Variants in EZH1 observed in about 807,000 individuals in gnomAD.
EZH1 encodes histone-lysine N-methyltransferase EZH1.
In EZH1, 33 loss-of-function variants were observed where a neutral mutation model predicts 100.5. The ratio of observed to expected loss-of-function variants is 0.33; its 90% CI spans 0.25 to 0.44. The LOEUF is 0.44. Among genes scored for constraint, EZH1 ranks in the 20% least tolerant of loss-of-function variants. EZH1 has a pLI of 1.00. For synonymous variants in EZH1, 272 were observed against 313.8 expected (o/e 0.87, Z 1.41); for missense variants, 475 against 928.4 (o/e 0.51, Z 6.35).
Position 42,745,017 on chromosome 17 carries a change from T to A in EZH1, c.-109A>T, listed in dbSNP as rs1158249304. The A allele has an allele frequency of 1.6e-6, 2 of 1,271,912 alleles. No homozygotes were observed. The highest frequency in any genetic ancestry group is 2.4e-5 in the Admixed American group (1 of 41,438). The allele number at this position is 1,271,912 out of a possible 1,614,324, so 78.8% of individuals were successfully genotyped here. On this transcript the variant is annotated 5_prime_UTR_variant, in exon 1 of 21. It removes an upstream start codon present in the reference 5' UTR. Coordinates refer to ENST00000428826, the MANE Select transcript of EZH1 (RefSeq NM_001991.5). Reference sequence around the variant, plus strand: ...GGCTTGTTTACTCACTCACCCTCCATCCCGAGCCGCGGGTCCCGCTGCTAG... The same window carrying A: ...GGCTTGTTTACTCACTCACCCTCCAACCCGAGCCGCGGGTCCCGCTGCTAG...
At chr17:42,728,604 T>C (rs984692102) in intron 3 of EZH1, among the ~76,000 whole-genome samples, 2 of 150,414 alleles carry the variant, frequency 1.3e-5, no homozygotes, top group Non-Finnish European at 3.0e-5. Flanking sequence ...TAGCCGGGCG[T>C]GGTGGCAGGC....
intron 4 of EZH1, among the ~76,000 whole-genome samples, chr17:42,724,771 C>T (rs1451300432): frequency 6.8e-6 from 1 of 147,528 alleles, no homozygotes; most frequent in Admixed American, 6.8e-5. Flanking sequence ...GAGACTCTGT[C>T]TCAAGAAAAA....
In EZH1 at chr17:42,705,115, G is replaced by A. The variant is rs759762296; in HGVS notation, c.1908C>T (p.Asn636=). The A allele has an allele frequency of 7.4e-6, 12 of 1,613,532 alleles. No individual in the cohort carries two copies. Among genetic ancestry groups the A allele is most frequent in the African/African-American group, 1.3e-5 (1 of 74,912 alleles). ...CACCACAGTATTCAGAAATGAATTC[G>A]TTCTTCTGCACAGACTCCTTTATGA... ...GTFIKESVQK[N]EFISEYCGEL... Residue 636 remains asparagine (N), a synonymous_variant, in exon 17 of 21, where the codon AAC becomes AAT. Transcript: ENST00000428826.
intron 4 of EZH1, among the ~76,000 whole-genome samples, chr17:42,725,456 T>C (rs1024842535): frequency 1.3e-5 from 2 of 151,798 alleles, no homozygotes; most frequent in Non-Finnish European, 2.9e-5. Context: ...TTTCTTTTTT[T>C]TTTTTGTAGA....
chr17:42,740,188 C>T (rs1014069951), intron 1 of EZH1, among the ~76,000 whole-genome samples: 21 of 151,984 alleles, frequency 1.4e-4, no homozygotes, highest in African/African-American at 2.4e-4. Flanking sequence ...GCTGGGACTA[C>T]GGGCACATGC....
chr17:42,730,075 AC>A (rs1318002701), intron 2 of EZH1, among the ~76,000 whole-genome samples: 5 of 151,722 alleles, frequency 3.3e-5, no homozygotes, highest in African/African-American at 9.7e-5. Context: ...ACAAAAAAAA[AC>A]AACAACAACA....
Position 42,718,979 on chromosome 17 carries a change from T to A in EZH1, c.767+126A>T. 1.4e-6 allele frequency: 1 copy of A among 726,178 alleles called. No individual in the cohort carries two copies. The highest frequency in any genetic ancestry group is 2.5e-5 in the East Asian group (1 of 40,184). The allele number at this position is 726,178 out of a possible 1,614,324, so 45.0% of individuals were successfully genotyped here. On this transcript the variant is annotated intron_variant, in intron 8 of 20. Transcript: ENST00000428826. The surrounding 1 kb of genome is among the most constrained non-coding windows in gnomAD (Gnocchi z 4.2). ...AGGTAATTGAGTAAGCAAGAAATAA[T>A]CAAATTGCGGGCAAATCATAATGCC...
chr17:42,706,015 G>T lies in EZH1; in HGVS notation c.1831C>A (p.Leu611Ile), dbSNP rs1474779637. Residue 611 changes from leucine to isoleucine, a missense_variant, in exon 16 of 21, where the codon CTT (leucine) becomes ATT (isoleucine). Physicochemically the swap from Leu to Ile is conservative, Grantham distance 5 (BLOSUM62 2). Transcript: ENST00000428826. This position sits in a 1 kb window ranked among gnomAD's most constrained non-coding sequence, Gnocchi z 4.4. ...SCKNCSIQRG[L>I]KKHLLLAPSD... ...CTGAGGAAAGGCCTCACCTTCTTAA[G>T]TCCACGCTGGATGCTGCAGTTTTTA... The T allele has an allele frequency of 6.2e-7, 1 of 1,612,564 alleles. No individual in the cohort carries two copies. The highest frequency in any genetic ancestry group is 1.7e-5 in the Admixed American group (1 of 59,844).
chr17:42,735,271 A>G (rs796570283), intron 1 of EZH1, among the ~76,000 whole-genome samples: 8 of 152,080 alleles, frequency 5.3e-5, no homozygotes, highest in African/African-American at 1.7e-4. Context: ...CTAAAAATAC[A>G]AAATTTAGCA....
At chr17:42,727,562 A>C (rs2053845158) in intron 4 of EZH1, 73 bp downstream of exon 4, 1 of 1,535,824 alleles carries the variant, frequency 6.5e-7, no homozygotes, top group African/African-American at 1.4e-5. Context: ...CACTTTCTAA[A>C]AAGTCACAAA....
intron 1 of EZH1, among the ~76,000 whole-genome samples, chr17:42,741,454 C>T (rs1356650102): frequency 6.6e-6 from 1 of 152,202 alleles, no homozygotes; most frequent in Non-Finnish European, 1.5e-5. Context: ...AGTGATCAAT[C>T]CCTCGGCCTG....
At chr17:42,704,481 G>A in intron 18 of EZH1, 121 bp downstream of exon 18, 2 of 682,870 alleles carry the variant, frequency 2.9e-6, no homozygotes, top group Non-Finnish European at 4.9e-6. Flanking sequence ...GCAGAGGGTA[G>A]AGGCTACAGT....
chr17:42,724,683 G>A (rs917234518), intron 4 of EZH1: 1 of 303,754 alleles, frequency 3.3e-6, no homozygotes, highest in African/African-American at 2.1e-5. Flanking sequence ...CTACTTGGGA[G>A]ACTGAGGTAT....
rs747156512 is a variant in EZH1, at chr17:42,708,885, G to A, written c.1525C>T (p.Leu509=). The A allele has an allele frequency of 9.3e-6, 15 of 1,614,182 alleles. No homozygotes were observed. In the South Asian group the frequency reaches 1.5e-4, roughly 17 times the overall value. Residue 509 remains leucine, a synonymous_variant, in exon 14 of 21, where the codon CTG becomes TTG. Coordinates refer to ENST00000428826, the MANE Select transcript of EZH1 (RefSeq NM_001991.5). ...LWAAHCRKIQ[L]KKDNSSTQVY... ...CCCTGGTAGAACTTACCTTTCTTCAGCTGAATCTTCCTGCAGTGTGCAGCC... is the reference window on the plus strand; with the variant it reads ...CCCTGGTAGAACTTACCTTTCTTCAACTGAATCTTCCTGCAGTGTGCAGCC...
At chr17:42,722,547 C>T (rs1419759875) in intron 6 of EZH1, among the ~76,000 whole-genome samples, 1 of 150,698 alleles carries the variant, frequency 6.6e-6, no homozygotes, top group Non-Finnish European at 1.5e-5. Flanking sequence ...ATCACTTGAA[C>T]CCAGGAGGCA....
At chr17:42,713,851 T>C (rs2053538940) in intron 10 of EZH1, among the ~76,000 whole-genome samples, 1 of 152,342 alleles carries the variant, frequency 6.6e-6, no homozygotes. Context: ...TGCGTGTTAC[T>C]TGTTTGGAAT....
chr17:42,740,482 C>G (rs2054156373), intron 1 of EZH1, among the ~76,000 whole-genome samples: 1 of 152,130 alleles, frequency 6.6e-6, no homozygotes, highest in South Asian at 2.1e-4. Flanking sequence ...GTGATCCACC[C>G]GCTTCGGCCT....
intron 4 of EZH1, 93 bp from the exon 5 acceptor site, chr17:42,724,517 G>T: frequency 1.4e-6 from 2 of 1,463,102 alleles, no homozygotes; most frequent in Non-Finnish European, 1.9e-6. Context: ...GGGCATAGTG[G>T]CTCATGCCAG....
intron 18 of EZH1, 55 bp downstream of exon 18, chr17:42,704,547 C>T: frequency 6.9e-7 from 1 of 1,458,642 alleles, no homozygotes; most frequent in Non-Finnish European, 9.4e-7. Flanking sequence ...GACTCCGTCT[C>T]AAAAAAAGAA....
Sources: allele counts gnomAD v4.1 joint callset (sites outside exome capture counted in the v4.1 genomes callset), GRCh38; gene constraint gnomAD v4.1.1; non-coding constraint Gnocchi (gnomAD v3.1); transcripts MANE v1.5; gene names NCBI Gene and HGNC (gene_info 2026-07-23, HGNC 2026-07-21).